STK3: variants seen among roughly 807,000 people sequenced by gnomAD.
STK3 encodes serine/threonine-protein kinase 3.
STK3 carries 41 observed loss-of-function variants against 58.0 expected under a neutral mutation model. The ratio of observed to expected loss-of-function variants is 0.71; its 90% CI spans 0.55 to 0.92. STK3 has a LOEUF of 0.92. STK3 is among the 40% of genes least tolerant of loss of function. The pLI is 0.00. For missense variants in STK3, 479 were observed against 602.7 expected, an observed-to-expected ratio of 0.79 and a Z score of 2.15; for synonymous variants, 170 against 191.0, an observed-to-expected ratio of 0.89 and a Z score of 0.91.
intron 3 of STK3, among the ~76,000 whole-genome samples, chr8:98,839,992 A>C (rs1327862351): frequency 6.6e-6 from 1 of 152,208 alleles, no homozygotes; most frequent in African/African-American, 2.4e-5. Flanking sequence ...GAAGGGTCTG[A>C]ACACCACAGA....
chr8:98,538,492 T>C (rs1406111949), intron 9 of STK3, among the ~76,000 whole-genome samples: 3 of 152,184 alleles, frequency 2.0e-5, no homozygotes, highest in Non-Finnish European at 4.4e-5. Context: ...AGTATCCAAG[T>C]ATTTATGAAG....
chr8:98,664,142 T>C (rs1282855604), intron 6 of STK3, among the ~76,000 whole-genome samples: 2 of 152,180 alleles, frequency 1.3e-5, no homozygotes, highest in Non-Finnish European at 2.9e-5. Context: ...TATATCTACA[T>C]ACCAAACCTG....
At chr8:98,776,786 T>A (rs925271753) in intron 1 of STK3, among the ~76,000 whole-genome samples, 6 of 150,294 alleles carry the variant, frequency 4.0e-5, no homozygotes, top group Admixed American at 2.0e-4. Context: ...GAGCGGTGGC[T>A]CACGCCTGTA....
At chr8:98,662,044 T>A (rs1328657552) in intron 6 of STK3, among the ~76,000 whole-genome samples, 1 of 152,150 alleles carries the variant, frequency 6.6e-6, no homozygotes, top group Non-Finnish European at 1.5e-5. Context: ...TACTCCTATT[T>A]TTTGTCCCTA....
At chr8:98,414,135 A>G (rs1254174737) in intron 3 of STK3, among the ~76,000 whole-genome samples, 3 of 152,138 alleles carry the variant, frequency 2.0e-5, no homozygotes, top group Non-Finnish European at 2.9e-5. Flanking sequence ...ATAGTGGTGC[A>G]TGCCTGTATT....
chr8:98,523,966 T>A (rs1425858332), intron 10 of STK3, among the ~76,000 whole-genome samples: 1 of 152,230 alleles, frequency 6.6e-6, no homozygotes, highest in Non-Finnish European at 1.5e-5. Context: ...ATGTATTTCC[T>A]ACTAATTTTT....
intron 10 of STK3, among the ~76,000 whole-genome samples, chr8:98,478,359 A>G (rs1821546429): frequency 6.6e-6 from 1 of 152,172 alleles, no homozygotes; most frequent in South Asian, 2.1e-4. Context: ...TGGGAGGTAG[A>G]GAAGGGTTTC....
intron 1 of STK3, among the ~76,000 whole-genome samples, chr8:98,793,330 T>C (rs918064571): frequency 1.3e-5 from 2 of 151,322 alleles, no homozygotes; most frequent in Non-Finnish European, 2.9e-5. Context: ...TTATGGAAAT[T>C]AAAAAAAAAT....
intron 1 of STK3, among the ~76,000 whole-genome samples, chr8:98,442,986 C>T (rs1432672444): frequency 1.3e-5 from 1 of 74,388 alleles, no homozygotes; most frequent in Non-Finnish European, 2.7e-5. Flanking sequence ...TGGCTCTTAG[C>T]TAAAGCAAAA....
chr8:98,656,484 A>AT (rs890495047), intron 6 of STK3, among the ~76,000 whole-genome samples: 10 of 140,614 alleles, frequency 7.1e-5, no homozygotes, highest in African/African-American at 1.7e-4. Flanking sequence ...TTAAAGTATA[A>AT]TAAAAAAAAA....
At chr8:98,716,803 G>A (rs1827052563) in intron 4 of STK3, among the ~76,000 whole-genome samples, 1 of 152,122 alleles carries the variant, frequency 6.6e-6, no homozygotes, top group South Asian at 2.1e-4. Context: ...AAAACAATGT[G>A]ATATTGGCAT....
At chr8:98,924,154 G>A (rs1839695064) in intron 1 of STK3, among the ~76,000 whole-genome samples, 1 of 152,154 alleles carries the variant, frequency 6.6e-6, no homozygotes, top group Admixed American at 6.5e-5. Flanking sequence ...AAATTTTGTG[G>A]AGGCTGTTCC....
At chr8:98,841,636 A>ACC (rs1403528899) in intron 3 of STK3, among the ~76,000 whole-genome samples, 4 of 141,766 alleles carry the variant, frequency 2.8e-5, no homozygotes, top group Non-Finnish European at 6.0e-5. Flanking sequence ...GATTACAGTG[A>ACC]CCTCCACTGC....
intron 1 of STK3, among the ~76,000 whole-genome samples, chr8:98,901,183 A>G (rs1838643858): frequency 1.3e-5 from 2 of 152,208 alleles, no homozygotes; most frequent in South Asian, 2.1e-4. Flanking sequence ...ACATGACTTT[A>G]GGAAAGTTCT....
intron 1 of STK3, among the ~76,000 whole-genome samples, chr8:98,931,860 C>T (rs765918590): frequency 2.6e-5 from 4 of 152,214 alleles, no homozygotes; most frequent in East Asian, 1.9e-4. Context: ...TAATTGATTT[C>T]GCCTTCACTA....
At chr8:98,511,899 T>A (rs953634494) in intron 10 of STK3, among the ~76,000 whole-genome samples, 1 of 152,178 alleles carries the variant, frequency 6.6e-6, no homozygotes, top group African/African-American at 2.4e-5. Context: ...CCAGTGATAC[T>A]GTTTTAATGT....
chr8:98,793,107 A>G (rs7814651), intron 1 of STK3, among the ~76,000 whole-genome samples: 70 of 152,272 alleles, frequency 4.6e-4, no homozygotes, highest in African/African-American at 1.5e-3. Context: ...GTTCTCACTG[A>G]TATGTGGGAG....
chr8:98,831,127 G>A (rs188494569), intron 3 of STK3, among the ~76,000 whole-genome samples: 183 of 152,212 alleles, frequency 1.2e-3, no homozygotes, highest in African/African-American at 4.2e-3. Flanking sequence ...AAAGAAATCT[G>A]CAATTTGAGA....
intron 1 of STK3, among the ~76,000 whole-genome samples, chr8:98,933,132 G>A (rs116953531): frequency 3.3e-5 from 5 of 152,098 alleles, no homozygotes; most frequent in African/African-American, 1.2e-4. Flanking sequence ...AACTCTGCAG[G>A]TTATTAGGTA....
Sources: allele counts gnomAD v4.1 joint callset (sites outside exome capture counted in the v4.1 genomes callset), GRCh38; gene constraint gnomAD v4.1.1; transcripts MANE v1.5; gene names NCBI Gene and HGNC (gene_info 2026-07-23, HGNC 2026-07-21).